Variants in EPHA6 observed in about 807,000 individuals in gnomAD.
EPHA6 encodes the protein EPH receptor A6, also known as ephrin type-A receptor 6.
EPHA6 carries 50 observed loss-of-function variants against 112.0 expected under a neutral mutation model. That is an observed-to-expected ratio of 0.45 (90% CI 0.36 to 0.56). EPHA6 has a LOEUF of 0.56. Among genes scored for constraint, EPHA6 ranks in the 20% least tolerant of loss-of-function variants. The pLI is 0.00. For missense variants in EPHA6, 1,280 were observed against 1,417.4 expected, an observed-to-expected ratio of 0.90 and a Z score of 1.56; for synonymous variants, 529 against 490.7, an observed-to-expected ratio of 1.08 and a Z score of -1.03.
At chr3:97,152,122 G>T (rs899152494) in intron 3 of EPHA6, among the ~76,000 whole-genome samples, 1 of 151,810 alleles carries the variant, frequency 6.6e-6, no homozygotes, top group Non-Finnish European at 1.5e-5. Context: ...TAATGACTGA[G>T]AAACGGGATG....
intron 3 of EPHA6, among the ~76,000 whole-genome samples, chr3:97,205,055 T>A (rs1343344186): frequency 6.6e-6 from 1 of 152,112 alleles, no homozygotes; most frequent in Non-Finnish European, 1.5e-5. Flanking sequence ...TCAACTAGGT[T>A]ACCACAAAAT....
rs560307955 is a variant in EPHA6 at position 97,150,314 on chromosome 3, G to GT, written c.1115-75947dup. 4.6e-5 allele frequency among the ~76,000 whole-genome samples: 7 copies of GT among 152,136 alleles called. No individual in the cohort carries two copies. The South Asian group carries it at 1.0e-3, about 23-fold the overall frequency. On this transcript the variant is annotated intron_variant, in intron 3 of 17. Transcript: ENST00000389672. ...TCTATATATCATCTAAGTTTCCTTT[G>GT]TTTCGGGCTTTTTTGAAGACGTTTG...
chr3:97,721,761 G>T lies in EPHA6; in HGVS notation c.2934+1351G>T, dbSNP rs187392473. ...GGAATCATATTTGAAGGACTCCTTT[G>T]CTCTTCCCTGCCATTGGGCTTTGTT... On this transcript the variant is annotated intron_variant, in intron 15 of 17. Coordinates refer to ENST00000389672, the MANE Select transcript of EPHA6 (RefSeq NM_001080448.3). Among the ~76,000 whole-genome samples, 228 of 152,288 alleles carry T rather than the reference G, an allele frequency of 1.5e-3. 1 individual carries two copies. The highest frequency in any genetic ancestry group is 5.3e-3 in the African/African-American group (221 of 41,578).
chr3:97,747,321 A>T, intron 16 of EPHA6, 102 bp from the exon 17 acceptor site: 1 of 1,001,658 alleles, frequency 1.0e-6, no homozygotes, highest in Non-Finnish European at 1.4e-6. Flanking sequence ...TAAAAACATT[A>T]GATGTAAGAA....
chr3:97,402,876 C>T (rs2109115585), intron 5 of EPHA6, among the ~76,000 whole-genome samples: 1 of 152,210 alleles, frequency 6.6e-6, no homozygotes, highest in East Asian at 1.9e-4. Flanking sequence ...GTCCTTAGAA[C>T]ACAAAAGCAA....
chr3:97,721,220 G>GA (rs1003069448), intron 15 of EPHA6, among the ~76,000 whole-genome samples: 4 of 152,200 alleles, frequency 2.6e-5, no homozygotes, highest in African/African-American at 9.6e-5. Flanking sequence ...CAAAGGCTAC[G>GA]TAACTATAGA....
At chr3:97,202,834 C>A (rs1309928292) in intron 3 of EPHA6, among the ~76,000 whole-genome samples, 2 of 152,038 alleles carry the variant, frequency 1.3e-5, no homozygotes, top group East Asian at 3.9e-4. Flanking sequence ...TTGAGAATAG[C>A]AGTAAAAAGT....
chr3:97,119,018 A>G (rs2047970709), intron 3 of EPHA6, among the ~76,000 whole-genome samples: 3 of 151,968 alleles, frequency 2.0e-5, no homozygotes, highest in Non-Finnish European at 4.4e-5. Flanking sequence ...TCATTTTTGT[A>G]CAAGAAATGC....
intron 6 of EPHA6, among the ~76,000 whole-genome samples, chr3:97,442,037 C>T (rs1003403294): frequency 1.2e-4 from 18 of 152,132 alleles, no homozygotes; most frequent in Admixed American, 3.9e-4. Context: ...AGATTTTCTC[C>T]AACTAGCTTT....
At position 97,755,640 on chromosome 3, in the gene EPHA6, A is replaced by G. The variant is rs1482438267; in HGVS notation, c.*6939A>G. Among the ~76,000 whole-genome samples the G allele has an allele frequency of 6.6e-6, 1 of 152,158 alleles. No homozygotes were observed. The highest frequency in any genetic ancestry group is 6.5e-5 in the Admixed American group (1 of 15,286). On this transcript the variant is annotated 3_prime_UTR_variant, in exon 18 of 18. Coordinates refer to ENST00000389672, the MANE Select transcript of EPHA6 (RefSeq NM_001080448.3). ...TTATTATAGAAAAAATTCCAAGGAT[A>G]TAAGAATCATTTTTCATATATTCCA... is the stretch of plus-strand genomic sequence containing the variant.
chr3:97,049,614 C>A (rs772489255), intron 3 of EPHA6, among the ~76,000 whole-genome samples: 1 of 151,998 alleles, frequency 6.6e-6, no homozygotes, highest in African/African-American at 2.4e-5. Flanking sequence ...TTTTGGGTCA[C>A]CATAAAGGAA....
At chr3:96,972,954 G>A (rs924693034) in intron 2 of EPHA6, among the ~76,000 whole-genome samples, 17 of 152,130 alleles carry the variant, frequency 1.1e-4, no homozygotes, top group African/African-American at 4.1e-4. Flanking sequence ...GTGTCCATTT[G>A]CCAGCATATT....
intron 10 of EPHA6, among the ~76,000 whole-genome samples, chr3:97,508,647 G>C (rs2092303214): frequency 6.6e-6 from 1 of 152,128 alleles, no homozygotes; most frequent in Admixed American, 6.6e-5. Context: ...ATTTGGGGTG[G>C]AGAGTTCTAT....
At chr3:97,070,748 T>C (rs950495931) in intron 3 of EPHA6, among the ~76,000 whole-genome samples, 4 of 152,066 alleles carry the variant, frequency 2.6e-5, no homozygotes, top group Admixed American at 6.6e-5. Context: ...GGAAAACAGG[T>C]GTTCTAGGTA....
chr3:97,502,829 T>A (rs2092155519), intron 10 of EPHA6, among the ~76,000 whole-genome samples: 1 of 39,286 alleles, frequency 2.5e-5, no homozygotes, highest in African/African-American at 1.0e-4. Context: ...CAAGACTCTG[T>A]CTCAAAAAAA....
intron 5 of EPHA6, among the ~76,000 whole-genome samples, chr3:97,392,822 A>C (rs2086488527): frequency 6.6e-6 from 1 of 151,600 alleles, no homozygotes; most frequent in South Asian, 2.1e-4. Flanking sequence ...CTTTTCAATT[A>C]GCTCTTTTTT....
intron 1 of EPHA6, among the ~76,000 whole-genome samples, chr3:96,829,938 T>TGCGCGCTC (rs2033917416): frequency 8.3e-6 from 1 of 120,222 alleles, no homozygotes; most frequent in African/African-American, 2.9e-5. Flanking sequence ...CACGTGCATG[T>TGCGCGCTC]GCGCGCGCGC....
At chr3:96,880,820 C>T (rs2037273272) in intron 2 of EPHA6, among the ~76,000 whole-genome samples, 2 of 152,018 alleles carry the variant, frequency 1.3e-5, no homozygotes, top group Admixed American at 6.6e-5. Flanking sequence ...TTTTACTTAG[C>T]GTGGTTTTGT....
At chr3:97,244,952 A>G (rs1250533280) in intron 5 of EPHA6, among the ~76,000 whole-genome samples, 3 of 152,008 alleles carry the variant, frequency 2.0e-5, no homozygotes, top group Non-Finnish European at 2.9e-5. Context: ...ATTCCTTCAT[A>G]ACATAATTAT....
Sources: allele counts gnomAD v4.1 joint callset (sites outside exome capture counted in the v4.1 genomes callset), GRCh38; gene constraint gnomAD v4.1.1; transcripts MANE v1.5; gene names NCBI Gene and HGNC (gene_info 2026-07-23, HGNC 2026-07-21).